Variants in AKAP12 observed in about 807,000 individuals in gnomAD.
AKAP12 encodes the protein A-kinase anchor protein 12.
A neutral mutation model predicts 79.9 loss-of-function variants in AKAP12; 32 were observed. The observed-to-expected ratio is 0.40, with a 90% confidence interval of 0.30 to 0.54. The LOEUF is 0.54. Among genes scored for constraint, AKAP12 ranks in the 20% least tolerant of loss-of-function variants. The probability of loss-of-function intolerance (pLI) is 0.48; values close to 1 mark genes in which losing one functional copy is unlikely to be tolerated. For missense variants in AKAP12, 2,074 were observed against 2,177.0 expected (o/e 0.95, Z 0.94); for synonymous variants, 808 against 857.0 (o/e 0.94, Z 1.00).
At chr6:151,322,234 G>T (rs576595973) in intron 3 of AKAP12, among the ~76,000 whole-genome samples, 5 of 151,802 alleles carry the variant, frequency 3.3e-5, no homozygotes, top group Non-Finnish European at 5.9e-5. Context: ...TTTTATTATA[G>T]TCATCCTAGT....
chr6:151,299,949 T>C (rs114234229), intron 2 of AKAP12, among the ~76,000 whole-genome samples: 6,516 of 152,256 alleles, frequency 0.043, 457 homozygotes, highest in African/African-American at 0.15. Context: ...TTATTATGTG[T>C]TGCACCTCAT....
intron 2 of AKAP12, among the ~76,000 whole-genome samples, chr6:151,251,168 G>A (rs900166793): frequency 6.6e-6 from 1 of 152,186 alleles, no homozygotes; most frequent in Non-Finnish European, 1.5e-5. Context: ...GGTACAAGAC[G>A]TATTGAGTTG....
chr6:151,260,805 C>A (rs1797412516), intron 2 of AKAP12, among the ~76,000 whole-genome samples: 1 of 150,956 alleles, frequency 6.6e-6, no homozygotes, highest in African/African-American at 2.4e-5. Context: ...ACCAACCTAG[C>A]CAATATGTGA....
chr6:151,344,645 TGCC>T (rs1378151062), intron 3 of AKAP12, among the ~76,000 whole-genome samples: 1 of 151,896 alleles, frequency 6.6e-6, no homozygotes, highest in Admixed American at 6.6e-5. Context: ...GAGATTCTCC[TGCC>T]TCAGCCTCCC....
At chr6:151,257,291 T>A (rs1454445447) in intron 2 of AKAP12, among the ~76,000 whole-genome samples, 1 of 152,044 alleles carries the variant, frequency 6.6e-6, no homozygotes, top group Non-Finnish European at 1.5e-5. Context: ...CCTATTTATT[T>A]ATTCATTTAT....
At chr6:151,332,792 C>A (rs1246381094) in intron 3 of AKAP12, among the ~76,000 whole-genome samples, 1 of 152,146 alleles carries the variant, frequency 6.6e-6, no homozygotes, top group Non-Finnish European at 1.5e-5. Flanking sequence ...ACACACCGAC[C>A]ACTCCCTTTA....
intron 2 of AKAP12, among the ~76,000 whole-genome samples, chr6:151,291,957 C>G (rs528508323): frequency 9.8e-5 from 15 of 152,328 alleles, no homozygotes; most frequent in African/African-American, 3.1e-4. Flanking sequence ...GGCAGTGGAA[C>G]CCTCTGCCTA....
intron 2 of AKAP12, among the ~76,000 whole-genome samples, chr6:151,259,466 A>T (rs1361097330): frequency 1.9e-5 from 2 of 103,632 alleles, no homozygotes; most frequent in Admixed American, 1.0e-4. Context: ...ACACATATAT[A>T]CATGTATATA....
At chr6:151,285,443 C>T (rs1197760282) in intron 2 of AKAP12, among the ~76,000 whole-genome samples, 1 of 142,848 alleles carries the variant, frequency 7.0e-6, no homozygotes. Context: ...TACTGATTAC[C>T]AAAGAGCTTA....
At chr6:151,292,416 C>G (rs903804777) in intron 2 of AKAP12, among the ~76,000 whole-genome samples, 2 of 152,160 alleles carry the variant, frequency 1.3e-5, no homozygotes, top group East Asian at 1.9e-4. Context: ...AATTTGCAGA[C>G]AGTGTGTAGT....
Position 151,352,850 on chromosome 6 carries a change from A to G in AKAP12, c.4459A>G (p.Ile1487Val). Residue 1487 changes from isoleucine (I) to valine (V), a missense_variant, in exon 4 of 5, where the codon ATA (isoleucine) becomes GTA (valine). Around this residue, in one of 3 missense-constraint regions of AKAP12, gnomAD observed 614 missense variants for 665.6 expected, o/e 0.92. Transcript: ENST00000402676. The stretch of plus-strand genomic sequence containing the variant: ...CTGTCAGGCAAAATCGACACCAGTG[A>G]TAGTATCTGCTACTACCAAGAAAGG... ...PDCQAKSTPV[I>V]VSATTKKGLS... is the part of the protein sequence containing the mutation. 1 of 1,614,222 alleles carries G rather than the reference A, an allele frequency of 6.2e-7. No individual in the cohort carries two copies. The highest frequency in any genetic ancestry group is 8.5e-7 in the Non-Finnish European group (1 of 1,180,040).
chr6:151,312,312 C>T (rs530497658), intron 3 of AKAP12, among the ~76,000 whole-genome samples: 23 of 151,038 alleles, frequency 1.5e-4, no homozygotes, highest in Non-Finnish European at 2.4e-4. Context: ...TCTCTACGAA[C>T]GTTTAAAAAA....
intron 2 of AKAP12, among the ~76,000 whole-genome samples, chr6:151,250,285 G>C (rs546958673): frequency 6.6e-6 from 1 of 151,834 alleles, no homozygotes; most frequent in African/African-American, 2.4e-5. Context: ...ATCATTTGAG[G>C]TCAGGAGTTT....
chr6:151,331,884 C>CAAAAA (rs565268957), intron 3 of AKAP12, among the ~76,000 whole-genome samples: 8 of 94,128 alleles, frequency 8.5e-5, no homozygotes, highest in Admixed American at 2.4e-4. Flanking sequence ...GACTCCGTCT[C>CAAAAA]AAAAAAAAAA....
At chr6:151,320,287 T>C (rs1450223343) in intron 3 of AKAP12, among the ~76,000 whole-genome samples, 1 of 151,914 alleles carries the variant, frequency 6.6e-6, no homozygotes, top group Non-Finnish European at 1.5e-5. Flanking sequence ...CTTGGTTTTT[T>C]GTTTTTGTTT....
intron 2 of AKAP12, among the ~76,000 whole-genome samples, chr6:151,247,504 A>G (rs1797097830): frequency 6.6e-6 from 1 of 150,882 alleles, no homozygotes; most frequent in South Asian, 2.1e-4. Flanking sequence ...CAGCTGAGGT[A>G]GAGCAGTCTT....
chr6:151,327,340 C>T (rs1429376389), intron 3 of AKAP12, among the ~76,000 whole-genome samples: 3 of 152,124 alleles, frequency 2.0e-5, no homozygotes, highest in Admixed American at 2.0e-4. Flanking sequence ...ACCATTTACT[C>T]AGCTTGAAAG....
At chr6:151,268,536 T>TA (rs1776102736) in intron 2 of AKAP12, among the ~76,000 whole-genome samples, 2 of 152,250 alleles carry the variant, frequency 1.3e-5, no homozygotes, top group Non-Finnish European at 2.9e-5. Flanking sequence ...TCTTTTTGCT[T>TA]ACAAGGGAAG....
intron 2 of AKAP12, among the ~76,000 whole-genome samples, chr6:151,294,984 AGTAAATCTGCTTAACTCT>A (rs1266464809): frequency 6.6e-6 from 1 of 152,168 alleles, no homozygotes; most frequent in Non-Finnish European, 1.5e-5. Context: ...TTAAATTCTA[AGTAAATCTGCTTAACTCT>A]GTCTGCGTCA....
Sources: gnomAD v4.1 joint callset for allele counts (sites outside exome capture counted in the v4.1 genomes callset) on GRCh38, gnomAD v4.1.1 for gene constraint, gnomAD v4.1.1 regional missense constraint, MANE v1.5 for transcripts, NCBI Gene and HGNC (gene_info 2026-07-23, HGNC 2026-07-21) for gene names.